The following NF1 variants were observed in gnomAD, a reference collection of about 807,000 sequenced individuals.
The protein encoded by NF1 is neurofibromin 1.
Under a neutral mutation model 325.7 loss-of-function variants are expected in NF1, and 122 were observed. The observed-to-expected ratio is 0.37, with a 90% CI of 0.32 to 0.44. The LOEUF (loss-of-function observed/expected upper bound fraction) is 0.44. Among genes scored for constraint, NF1 ranks in the 20% least tolerant of loss-of-function variants. NF1 has a pLI of 1.00. For missense variants in NF1, 2,140 were observed against 3,415.4 expected (o/e 0.63, Z 9.31); for synonymous variants, 1,091 against 1,186.0 (o/e 0.92, Z 1.65).
Position 31,229,465 on chromosome 17 carries a change from G to C in NF1, c.2850G>C (p.Gln950His), listed in dbSNP as rs863224446. Residue 950 changes from glutamine to histidine, a missense_variant and splice_region_variant, in exon 21 of 58, where the codon CAG becomes CAC. Around this residue, in one of 10 missense-constraint regions of NF1, gnomAD observed 380 missense variants for 639.3 expected, o/e 0.59. Transcript: ENST00000358273. Reference sequence around the variant, plus strand: ...GCAAGTTTTTTGACTCCCAAGGACAGGTAAAGTGTTCTCTTATTTTTCACC... The same window carrying C: ...GCAAGTTTTTTGACTCCCAAGGACACGTAAAGTGTTCTCTTATTTTTCACC... ...TISKFFDSQG[Q>H]VLLTDTNTQF... The C allele has an allele frequency of 6.2e-7, 1 of 1,613,156 alleles. No homozygotes were observed. Among genetic ancestry groups the C allele is most frequent in the African/African-American group, 1.3e-5 (1 of 74,900 alleles).
At chr17:31,181,544 T>C in intron 6 of NF1, 55 bp downstream of exon 6, 2 of 1,537,766 alleles carry the variant, frequency 1.3e-6, no homozygotes, top group Non-Finnish European at 1.8e-6. Context: ...AAATTTGCTG[T>C]TGTTAGCATC....
intron 57 of NF1, among the ~76,000 whole-genome samples, chr17:31,366,000 T>C (rs2070512419): frequency 6.6e-6 from 1 of 150,846 alleles, no homozygotes; most frequent in Admixed American, 6.7e-5. Flanking sequence ...AGTGGCACGA[T>C]CTCAGCTCAC....
chr17:31,373,306 T>C (rs2070680381), intron 57 of NF1, among the ~76,000 whole-genome samples: 1 of 152,222 alleles, frequency 6.6e-6, no homozygotes, highest in Admixed American at 6.5e-5. Flanking sequence ...ATTCTGTTTA[T>C]AAACATGAAT....
At chr17:31,188,577 T>G (rs2066282486) in intron 8 of NF1, among the ~76,000 whole-genome samples, 1 of 152,140 alleles carries the variant, frequency 6.6e-6, no homozygotes, top group African/African-American at 2.4e-5. Context: ...GGTGGACTTG[T>G]GATGGTTAAT....
intron 44 of NF1, 31 bp from the exon 45 acceptor site, chr17:31,337,991 GTTT>G (rs2069723282): frequency 1.3e-6 from 2 of 1,579,856 alleles, no homozygotes; most frequent in South Asian, 2.2e-5. Context: ...AAACACAAAG[GTTT>G]TTATAAGTTC....
intron 12 of NF1, among the ~76,000 whole-genome samples, chr17:31,209,106 G>A (rs1454013069): frequency 1.3e-5 from 2 of 152,034 alleles, no homozygotes; most frequent in African/African-American, 4.8e-5. Context: ...CCCACTAGAT[G>A]CCAATATTCC....
intron 36 of NF1, among the ~76,000 whole-genome samples, chr17:31,300,485 A>G (rs2068551432): frequency 6.6e-6 from 1 of 152,048 alleles, no homozygotes; most frequent in African/African-American, 2.4e-5. Flanking sequence ...AGGTATCTGT[A>G]TGATTCACTG....
intron 8 of NF1, among the ~76,000 whole-genome samples, chr17:31,185,098 G>A (rs921495305): frequency 6.6e-6 from 1 of 152,164 alleles, no homozygotes; most frequent in African/African-American, 2.4e-5. Context: ...TGTCTGAAGA[G>A]ATAAACCCTG....
intron 1 of NF1, chr17:31,137,591 T>C (rs766447571): frequency 6.6e-6 from 1 of 152,212 alleles, no homozygotes; most frequent in Non-Finnish European, 1.5e-5. Context: ...CTATACCAGG[T>C]GTGCAGCTAT....
At chr17:31,178,512 C>T (rs2066064870) in intron 5 of NF1, among the ~76,000 whole-genome samples, 1 of 152,132 alleles carries the variant, frequency 6.6e-6, no homozygotes, top group African/African-American at 2.4e-5. Flanking sequence ...ACACATAACA[C>T]TATTAACCTT....
intron 8 of NF1, among the ~76,000 whole-genome samples, chr17:31,198,635 G>A (rs939071048): frequency 6.6e-6 from 1 of 151,578 alleles, no homozygotes; most frequent in Admixed American, 6.6e-5. Context: ...GGGTGGGGGG[G>A]ATAGAGTCTT....
At chr17:31,218,940 T>G in intron 13 of NF1, 65 bp from the exon 14 acceptor site, 4 of 1,460,780 alleles carry the variant, frequency 2.7e-6, no homozygotes, top group South Asian at 1.2e-5. Flanking sequence ...GTCTATTTCT[T>G]CCTCCTTCTA....
chr17:31,201,104 T>C lies in NF1; in HGVS notation c.1130T>C (p.Ile377Thr), dbSNP rs878853863. The C allele has an allele frequency of 3.1e-6, 5 of 1,614,022 alleles. No individual in the cohort carries two copies. Among genetic ancestry groups the C allele is most frequent in the Non-Finnish European group, 4.2e-6 (5 of 1,180,012 alleles). The change falls in exon 10 of 58, where the codon ATT becomes ACT. Residue 377 changes from isoleucine (I) to threonine (T), a missense_variant. By Grantham distance (89) the Ile-to-Thr change is moderately conservative. Coordinates refer to ENST00000358273, the MANE Select transcript of NF1 (RefSeq NM_001042492.3). Reference protein sequence around the residue: ...GSQPADVDLMIDCLVSCFRIS... With the variant: ...GSQPADVDLMTDCLVSCFRIS... ...CAGCCTGCAGATGTGGATCTAATGA[T>C]TGACTGCCTTGTTTCTTGCTTTCGT...
rs1049357346 is a variant in NF1, at chr17:31,235,643, T to G, written c.3741T>G (p.Phe1247Leu). 1 of 1,614,064 alleles carries G rather than the reference T, an allele frequency of 6.2e-7. No homozygotes were observed. Among genetic ancestry groups the G allele is most frequent in the Non-Finnish European group, 8.5e-7 (1 of 1,180,024 alleles). Reference protein sequence around the residue: ...DELARVLVTLFDSRHLLYQLL... With the variant: ...DELARVLVTLLDSRHLLYQLL... ...TAGCTCGAGTTCTGGTTACTCTGTT[T>G]GATTCTCGGCATTTACTCTACCAAC... The change falls in exon 28 of 58, where the codon TTT (phenylalanine) becomes TTG (leucine). Residue 1247 changes from phenylalanine to leucine, a missense_variant. By Grantham distance (22) the Phe-to-Leu change is conservative (BLOSUM62 0). This residue lies in a region of NF1 where 336 missense variants were observed against 399.0 expected (regional missense o/e 0.84). Coordinates refer to ENST00000358273, the MANE Select transcript of NF1 (RefSeq NM_001042492.3).
chr17:31,242,681 C>T (rs988567960), intron 29 of NF1, among the ~76,000 whole-genome samples: 2 of 152,096 alleles, frequency 1.3e-5, no homozygotes, highest in Non-Finnish European at 1.5e-5. Context: ...GATAGGATTC[C>T]GAATTCCTTC....
At chr17:31,284,396 C>T (rs1396173406) in intron 36 of NF1, among the ~76,000 whole-genome samples, 1 of 152,100 alleles carries the variant, frequency 6.6e-6, no homozygotes, top group Admixed American at 6.5e-5. Context: ...GCTTCTCTTG[C>T]CTCAGTCTCC....
intron 34 of NF1, among the ~76,000 whole-genome samples, chr17:31,261,093 A>G (rs2067677997): frequency 6.6e-6 from 1 of 151,906 alleles, no homozygotes; most frequent in Non-Finnish European, 1.5e-5. Context: ...AAATACAAAA[A>G]TTAGCTGGGC....
chr17:31,165,279 T>G (rs1567818739), intron 4 of NF1, among the ~76,000 whole-genome samples: 1 of 152,214 alleles, frequency 6.6e-6, no homozygotes, highest in Non-Finnish European at 1.5e-5. Flanking sequence ...AGAAACCAAG[T>G]GTCTAAAATT....
At chr17:31,221,257 C>G (rs1166135026) in intron 14 of NF1, among the ~76,000 whole-genome samples, 1 of 151,580 alleles carries the variant, frequency 6.6e-6, no homozygotes, top group African/African-American at 2.4e-5. Context: ...TATTTAATTC[C>G]CGTTAGTGTT....
Sources: gnomAD v4.1 joint callset for allele counts (sites outside exome capture counted in the v4.1 genomes callset) on GRCh38, gnomAD v4.1.1 for gene constraint, gnomAD v4.1.1 regional missense constraint, MANE v1.5 for transcripts, NCBI Gene and HGNC (gene_info 2026-07-23, HGNC 2026-07-21) for gene names.